IP6K3: variants seen among roughly 807,000 people sequenced by gnomAD.
The protein encoded by IP6K3 is ATP:1D-myo-inositol-hexakisphosphate phosphotransferase.
In IP6K3, 20 loss-of-function variants were observed where a neutral mutation model predicts 28.8. That is an observed-to-expected ratio of 0.70 (90% CI 0.49 to 1.01). The LOEUF (loss-of-function observed/expected upper bound fraction) is 1.01. Among genes scored for constraint, IP6K3 ranks in the 50% least tolerant of loss-of-function variants. The pLI is 0.00. For synonymous variants in IP6K3, 213 were observed against 221.3 expected (o/e 0.96, Z 0.33); for missense variants, 480 against 537.1 (o/e 0.89, Z 1.05).
At chr6:33,735,027 C>G (rs1561906030) in intron 2 of IP6K3, among the ~76,000 whole-genome samples, 1 of 152,204 alleles carries the variant, frequency 6.6e-6, no homozygotes, top group Non-Finnish European at 1.5e-5. Flanking sequence ...TTGTTTTATT[C>G]TCTCCATCCC....
At chr6:33,759,705 TAAC>T in the IP6K3 span, among the ~76,000 whole-genome samples, 5 of 151,950 alleles carry the variant, frequency 3.3e-5, no homozygotes, top group South Asian at 2.1e-4. Context: ...CTACTAAAAA[TAAC>T]AACAACAACA....
Position 33,722,452 on chromosome 6 carries a change from T to A in IP6K3, c.*268A>T. The A allele has an allele frequency of 3.3e-6, 1 of 306,284 alleles. No homozygotes were observed. The highest frequency in any genetic ancestry group is 2.1e-5 in the African/African-American group (1 of 46,932). 19.0% of individuals were successfully genotyped at this position (306,284 alleles called of 1,614,324 possible). On this transcript the variant is annotated 3_prime_UTR_variant, in exon 6 of 6. Coordinates refer to ENST00000293756, the MANE Select transcript of IP6K3 (RefSeq NM_054111.5). ...CTGGCCTCTAACTTGGGCTGCCCCC[T>A]CCAGTGTACTCCAGAAGGTGCCACT...
chr6:33,727,991 GC>G, intron 3 of IP6K3, 95 bp downstream of exon 3: 2 of 1,524,386 alleles, frequency 1.3e-6, no homozygotes, highest in Middle Eastern at 2.4e-4. Flanking sequence ...CTCAGCACCA[GC>G]CTTAATAGGG....
At chr6:33,736,591 A>G (rs1766534907) in intron 1 of IP6K3, among the ~76,000 whole-genome samples, 2 of 152,096 alleles carry the variant, frequency 1.3e-5, no homozygotes, top group African/African-American at 4.8e-5. Context: ...TTTTTAGTAG[A>G]GACAGGGTTT....
At chr6:33,725,403 G>T (rs751781846) in intron 5 of IP6K3, 38 bp downstream of exon 5, 3 of 1,577,456 alleles carry the variant, frequency 1.9e-6, no homozygotes, top group East Asian at 2.3e-5. Context: ...TGGACGTGCC[G>T]GGATGTCCCC....
intron 1 of IP6K3, among the ~76,000 whole-genome samples, chr6:33,737,780 C>T (rs549784596): frequency 6.6e-5 from 10 of 152,056 alleles, no homozygotes; most frequent in African/African-American, 2.2e-4. Flanking sequence ...CTGGGTGAAC[C>T]GGGGCTGCTC....
In IP6K3 at chr6:33,728,147, C is replaced by G; in HGVS notation, c.353G>C (p.Gly118Ala). 6.2e-7 allele frequency: 1 copy of G among 1,611,684 alleles called. No individual in the cohort carries two copies. Among genetic ancestry groups the G allele is most frequent in the Non-Finnish European group, 8.5e-7 (1 of 1,180,010 alleles). Residue 118 changes from glycine (G) to alanine (A), a missense_variant, in exon 3 of 6, where the codon GGC becomes GCC. Physicochemically the swap from Gly to Ala is moderately conservative, Grantham distance 60. Coordinates refer to ENST00000293756, the MANE Select transcript of IP6K3 (RefSeq NM_054111.5). ...QTLQQTTGSN[G>A]SDCTLAQWPH... ...CCACTGGGCAAGGGTGCAGTCGCTG[C>G]CATTGCTGCCGGTGGTCTGCTGGAG...
the IP6K3 span, among the ~76,000 whole-genome samples, chr6:33,759,773 TGA>T: frequency 6.6e-6 from 1 of 151,576 alleles, no homozygotes; most frequent in Non-Finnish European, 1.5e-5. Flanking sequence ...CTTGGGAGGC[TGA>T]GGCAGGAGAA....
chr6:33,745,892 A>G (rs1766890088), intron 1 of IP6K3, among the ~76,000 whole-genome samples: 1 of 152,238 alleles, frequency 6.6e-6, no homozygotes, highest in Non-Finnish European at 1.5e-5. Flanking sequence ...CGCAGGATGT[A>G]CAAGTGTGCA....
intron 2 of IP6K3, 22 bp from the exon 3 acceptor site, chr6:33,728,322 G>C (rs1380198506): frequency 6.2e-7 from 1 of 1,611,004 alleles, no homozygotes; most frequent in Non-Finnish European, 8.5e-7. Context: ...CAGGGAAGGG[G>C]AGGGGAGGAG....
the IP6K3 span, among the ~76,000 whole-genome samples, chr6:33,760,673 G>C: frequency 6.6e-6 from 1 of 152,168 alleles, no homozygotes; most frequent in Non-Finnish European, 1.5e-5. Context: ...GACTACAGGT[G>C]CCCACCACAA....
upstream of IP6K3, among the ~76,000 whole-genome samples, chr6:33,747,390 C>T (rs1016200821): frequency 3.3e-5 from 5 of 152,164 alleles, no homozygotes; most frequent in African/African-American, 1.2e-4. The surrounding 1 kb of genome is among the most constrained non-coding windows in gnomAD (Gnocchi z 5.2). Flanking sequence ...AGGCCATCAA[C>T]AAGCATTTTT....
intron 3 of IP6K3, chr6:33,727,856 G>C (rs955109967): frequency 2.0e-6 from 2 of 985,268 alleles, no homozygotes; most frequent in African/African-American, 3.5e-5. Context: ...AACTCTGCCT[G>C]TGCATCAACT....
chr6:33,755,717 G>A, the IP6K3 span, among the ~76,000 whole-genome samples: 4 of 152,226 alleles, frequency 2.6e-5, no homozygotes, highest in Non-Finnish European at 5.9e-5. Context: ...GGGAGACATC[G>A]CCACATCTAC....
At chr6:33,753,975 A>AT in the IP6K3 span, among the ~76,000 whole-genome samples, 1 of 151,850 alleles carries the variant, frequency 6.6e-6, no homozygotes, top group South Asian at 2.1e-4. Flanking sequence ...TGCCTGGCTA[A>AT]TTTTTTGTAT....
intron 5 of IP6K3, 46 bp downstream of exon 5, chr6:33,725,395 G>T: frequency 1.9e-6 from 3 of 1,559,356 alleles, no homozygotes; most frequent in South Asian, 1.2e-5. Flanking sequence ...CCCCACCGTG[G>T]ACGTGCCGGG....
chr6:33,726,636 G>C (rs758489740), intron 4 of IP6K3, 95 bp downstream of exon 4: 193 of 1,264,604 alleles, frequency 1.5e-4, no homozygotes, highest in Non-Finnish European at 2.0e-4. Flanking sequence ...CATTGGCCCC[G>C]TGTTTGTGTG....
chr6:33,732,635 C>T (rs1302726588), intron 2 of IP6K3, among the ~76,000 whole-genome samples: 2 of 152,196 alleles, frequency 1.3e-5, no homozygotes, highest in East Asian at 1.9e-4. Flanking sequence ...TCTCAGTGTC[C>T]GTGTTGGCCT....
In IP6K3 at chr6:33,725,433, C is replaced by T. The variant is rs776521500; in HGVS notation, c.765+8G>A. ...GTCCCCCCCTGTGGTGGGTCCCCTG[C>T]GACCTACCTGCATGCCGCAGATGCG... On this transcript the variant is annotated splice_region_variant and intron_variant, in intron 5 of 5. Coordinates refer to ENST00000293756, the MANE Select transcript of IP6K3 (RefSeq NM_054111.5). 9 of 1,602,978 alleles carry T rather than the reference C, an allele frequency of 5.6e-6. No individual in the cohort carries two copies. Among genetic ancestry groups the T allele is most frequent in the African/African-American group, 4.0e-5 (3 of 74,846 alleles).
Sources: allele counts gnomAD v4.1 joint callset (sites outside exome capture counted in the v4.1 genomes callset), GRCh38; gene constraint gnomAD v4.1.1; non-coding constraint Gnocchi (gnomAD v3.1); transcripts MANE v1.5; gene names NCBI Gene and HGNC (gene_info 2026-07-23, HGNC 2026-07-21).